DHRS12: variants seen among roughly 807,000 people sequenced by gnomAD.
DHRS12 encodes the protein dehydrogenase/reductase SDR family member 12.
In DHRS12, 29 loss-of-function variants were observed where a neutral mutation model predicts 32.1. The observed-to-expected ratio is 0.90, with a 90% CI of 0.67 to 1.23. DHRS12 has a LOEUF of 1.23. DHRS12 is among the 50% of genes most tolerant of loss of function. The pLI is 0.00. For missense variants in DHRS12, 330 were observed against 337.2 expected (o/e 0.98, Z 0.17); for synonymous variants, 150 against 135.9 (o/e 1.10, Z -0.72).
chr13:51,793,713 C>A (rs1291704049), intron 2 of DHRS12, among the ~76,000 whole-genome samples: 2 of 152,178 alleles, frequency 1.3e-5, no homozygotes, highest in Non-Finnish European at 2.9e-5. Flanking sequence ...CAGCCAGGAG[C>A]CTGTACCAAT....
At chr13:51,775,601 TCTC>T (rs1378268345) in intron 5 of DHRS12, 5 of 7,092 alleles carry the variant, frequency 7.1e-4, no homozygotes, top group Non-Finnish European at 1.2e-3. Context: ...CTACATGTAT[TCTC>T]CTACAGTATT....
chr13:51,801,004 T>C (rs111570956), intron 1 of DHRS12, among the ~76,000 whole-genome samples: 23 of 152,290 alleles, frequency 1.5e-4, no homozygotes, highest in African/African-American at 5.3e-4. Flanking sequence ...TGGGTTTAAG[T>C]CACAGCTCAG....
chr13:51,768,862 C>G (rs1297439229), intron 8 of DHRS12: 5 of 1,362,768 alleles, frequency 3.7e-6, no homozygotes, highest in Admixed American at 3.5e-5. Flanking sequence ...CCTCCTGGGC[C>G]TCAGCAAACT....
chr13:51,784,345 G>C (rs566478851), intron 4 of DHRS12, among the ~76,000 whole-genome samples: 21 of 152,338 alleles, frequency 1.4e-4, no homozygotes, highest in Admixed American at 3.9e-4. Context: ...TCACAGAGGA[G>C]CAGTATGAGT....
chr13:51,778,048 G>A (rs955721034), intron 4 of DHRS12, among the ~76,000 whole-genome samples: 3 of 152,196 alleles, frequency 2.0e-5, no homozygotes, highest in South Asian at 4.1e-4. Context: ...TGCACCGCCC[G>A]CCATGTGGCC....
chr13:51,803,838 T>G, intron 1 of DHRS12: 2 of 372,214 alleles, frequency 5.4e-6, no homozygotes, highest in Middle Eastern at 7.4e-4. Flanking sequence ...CGGGCGCCAG[T>G]CTCGGTCGCG....
chr13:51,793,194 A>C (rs1323418305), intron 2 of DHRS12, among the ~76,000 whole-genome samples: 1 of 152,208 alleles, frequency 6.6e-6, no homozygotes, highest in African/African-American at 2.4e-5. Flanking sequence ...TTGGCTGTTT[A>C]AACCTTTTTC....
At chr13:51,797,321 A>G (rs1955552119) in intron 2 of DHRS12, among the ~76,000 whole-genome samples, 1 of 152,196 alleles carries the variant, frequency 6.6e-6, no homozygotes, top group African/African-American at 2.4e-5. Flanking sequence ...GAGCCCCACT[A>G]ATTATGTAGC....
At chr13:51,803,915 A>AC in intron 1 of DHRS12, 139 bp downstream of exon 1, 3 of 755,686 alleles carry the variant, frequency 4.0e-6, no homozygotes, top group Non-Finnish European at 5.4e-6. Flanking sequence ...CGGCGGGCGC[A>AC]CCCGTCGTTC....
At chr13:51,793,268 C>T (rs1955362808) in intron 2 of DHRS12, among the ~76,000 whole-genome samples, 1 of 152,202 alleles carries the variant, frequency 6.6e-6, no homozygotes, top group Non-Finnish European at 1.5e-5. Flanking sequence ...ACGGCATCCT[C>T]TCTGAGCATC....
intron 1 of DHRS12, among the ~76,000 whole-genome samples, chr13:51,802,843 C>T (rs572015980): frequency 6.6e-6 from 1 of 152,342 alleles, no homozygotes; most frequent in Admixed American, 6.5e-5. Context: ...GTGGATTGGG[C>T]CCCTTGGCCT....
rs68055874 is a variant in DHRS12 at position 51,768,546 on chromosome 13, GA to G, written c.698-251del. The G allele has an allele frequency of 1.2e-3, 1,611 of 1,363,374 alleles. 9 individuals are homozygous for G. The African/African-American group carries it at 0.022, about 18-fold the overall frequency. 84.5% of individuals were successfully genotyped at this position (1,363,374 alleles called of 1,614,324 possible). ...GAGACCACGTTTGGGTGATCAGCAG[GA>G]AGGGGTGCGGCCATCCTCCCGGATA... On this transcript the variant is annotated intron_variant, in intron 8 of 8. Coordinates refer to ENST00000444610, the MANE Select transcript of DHRS12 (RefSeq NM_001377533.1).
At chr13:51,788,981 G>A (rs1454435352) in intron 4 of DHRS12, among the ~76,000 whole-genome samples, 2 of 152,108 alleles carry the variant, frequency 1.3e-5, no homozygotes, top group South Asian at 2.1e-4. Context: ...GACCAGGTAG[G>A]TGAATGCTTC....
intron 4 of DHRS12, among the ~76,000 whole-genome samples, chr13:51,784,601 T>C (rs191554118): frequency 8.5e-5 from 13 of 152,334 alleles, no homozygotes; most frequent in Admixed American, 2.0e-4. Context: ...GCTCTGTGCC[T>C]TTCTGGGAGC....
At chr13:51,798,985 G>A (rs950967934) in intron 2 of DHRS12, among the ~76,000 whole-genome samples, 8 of 152,200 alleles carry the variant, frequency 5.3e-5, no homozygotes, top group African/African-American at 1.7e-4. Context: ...TCAAGCTTAG[G>A]GGAGGGAAGC....
chr13:51,786,990 A>G (rs1041023504), intron 4 of DHRS12, among the ~76,000 whole-genome samples: 3 of 152,192 alleles, frequency 2.0e-5, no homozygotes, highest in African/African-American at 7.2e-5. Flanking sequence ...CTGCTGAAGA[A>G]TGACAGCACT....
In DHRS12 at chr13:51,775,974, C is replaced by CCTACATGTATT. The variant is rs1352837250; in HGVS notation, c.363+1085_363+1086insAATACATGTAG. The CCTACATGTATT allele has an allele frequency of 4.1e-4, 52 of 125,668 alleles. 4 individuals are homozygous for CCTACATGTATT. The highest frequency in any genetic ancestry group is 1.8e-3 in the African/African-American group (50 of 28,402). The allele number at this position is 125,668 out of a possible 1,614,324, so 7.8% of individuals were successfully genotyped here. On this transcript the variant is annotated intron_variant, in intron 5 of 8. Transcript: ENST00000444610. ...TCCTACATGTATTCTACAGTATTCT[C>CCTACATGTATT]CTACAGTATTCTCCTACATGTATTC...
rs879272321 is a variant in DHRS12, at chr13:51,772,444, G to A, written c.469-533C>T. Among the ~76,000 whole-genome samples, 59 of 152,274 alleles carry A rather than the reference G, an allele frequency of 3.9e-4. 1 individual carries two copies. The highest frequency in any genetic ancestry group is 3.5e-4 in the Non-Finnish European group (24 of 68,020). ...TCAAGACCAGCCTGGCCAACGTGGTGAAACCCAGTCTCTACTAAAAATGCA... is the reference window on the plus strand; with the variant it reads ...TCAAGACCAGCCTGGCCAACGTGGTAAAACCCAGTCTCTACTAAAAATGCA... On this transcript the variant is annotated intron_variant, in intron 6 of 8. Transcript: ENST00000444610.
In DHRS12 at chr13:51,799,548, T is replaced by C. The variant is rs368095228; in HGVS notation, c.112A>G (p.Lys38Glu). ...TAALAKQLPL[K>E]SPSENIFLHI... is the part of the protein sequence containing the mutation. Reference sequence around the variant, plus strand: ...CAGCTGCTTACCTCGCTTGGCGATTTCAAGGGCAGTTGCTTTGCCAATGCC... The same window carrying C: ...CAGCTGCTTACCTCGCTTGGCGATTCCAAGGGCAGTTGCTTTGCCAATGCC... The change falls in exon 2 of 9, where the codon AAA becomes GAA. Residue 38 changes from lysine (K) to glutamate (E), a missense_variant. Transcript: ENST00000444610. 178 of 1,613,654 alleles carry C rather than the reference T, an allele frequency of 1.1e-4. No individual in the cohort carries two copies. The highest frequency in any genetic ancestry group is 1.7e-4 in the Middle Eastern group (1 of 5,814).
Sources: allele counts gnomAD v4.1 joint callset (sites outside exome capture counted in the v4.1 genomes callset), GRCh38; gene constraint gnomAD v4.1.1; transcripts MANE v1.5; gene names NCBI Gene and HGNC (gene_info 2026-07-23, HGNC 2026-07-21).